LYRM4: variants seen among roughly 807,000 people sequenced by gnomAD.
LYRM4 encodes the protein LYR motif containing 4.
LYRM4 carries 9 observed loss-of-function variants against 11.7 expected under a neutral mutation model. The observed-to-expected ratio is 0.77, with a 90% CI of 0.46 to 1.34. The LOEUF is 1.34. Ranked by LOEUF, LYRM4 falls within the 40% of genes most tolerant of loss-of-function variation. The pLI, the probability that LYRM4 is intolerant of heterozygous loss-of-function variation, is 0.00. For missense variants in LYRM4, 133 were observed against 112.5 expected, an observed-to-expected ratio of 1.18 and a Z score of -0.82; for synonymous variants, 42 against 40.4, an observed-to-expected ratio of 1.04 and a Z score of -0.15.
chr6:5,129,425 C>A (rs1353165620), intron 2 of LYRM4, among the ~76,000 whole-genome samples: 3 of 152,148 alleles, frequency 2.0e-5, no homozygotes, highest in African/African-American at 7.2e-5. Context: ...GTTTCCTTGT[C>A]TTTTCCAGCT....
At chr6:5,147,797 CT>C (rs34378428) in intron 2 of LYRM4, among the ~76,000 whole-genome samples, 91,179 of 151,638 alleles carry the variant, frequency 0.6, 28,506 homozygotes, top group East Asian at 0.92. Flanking sequence ...TTAGGCCCTT[CT>C]GTCTCATCGC....
intron 2 of LYRM4, among the ~76,000 whole-genome samples, chr6:5,172,010 A>G (rs570945555): frequency 4.6e-5 from 7 of 152,236 alleles, no homozygotes; most frequent in Non-Finnish European, 1.5e-5. Context: ...CATGGACAGG[A>G]CTGCAGTCTT....
the LYRM4 span, among the ~76,000 whole-genome samples, chr6:5,046,164 T>G: frequency 1.3e-5 from 2 of 151,888 alleles, no homozygotes; most frequent in Admixed American, 1.3e-4. Context: ...TTTTTTTTTT[T>G]GAGATGGAGT....
chr6:5,247,051 G>T (rs1031127603), intron 1 of LYRM4, among the ~76,000 whole-genome samples: 2 of 152,180 alleles, frequency 1.3e-5, no homozygotes, highest in African/African-American at 4.8e-5. Flanking sequence ...CGGGTGCTGA[G>T]ACTGATGGTC....
rs112611928 is a variant in LYRM4, at chr6:5,142,025, G to C, written c.208-32534C>G. The stretch of plus-strand genomic sequence containing the variant: ...CTGCCCTGTTTCTGTGCATGTGTCG[G>C]GGGGGATGCGGGTACAGGTGATAAG... On this transcript the variant is annotated intron_variant, in intron 2 of 2. Transcript: ENST00000330636. 3.8e-3 allele frequency among the ~76,000 whole-genome samples: 571 copies of C among 152,208 alleles called. 3 individuals are homozygous for C. Among genetic ancestry groups the C allele is most frequent in the African/African-American group, 0.013 (528 of 41,502 alleles).
intron 2 of LYRM4, among the ~76,000 whole-genome samples, chr6:5,165,481 T>C (rs1245946738): frequency 6.6e-6 from 1 of 152,240 alleles, no homozygotes; most frequent in Non-Finnish European, 1.5e-5. Flanking sequence ...CATTTTTAGA[T>C]ATGACATAAC....
the LYRM4 span, among the ~76,000 whole-genome samples, chr6:5,093,401 C>T: frequency 6.6e-6 from 1 of 152,260 alleles, no homozygotes; most frequent in Admixed American, 6.5e-5. Flanking sequence ...GATGGAACGC[C>T]TGCCTTGGGG....
intron 1 of LYRM4, 25 bp downstream of exon 1, chr6:5,260,623 C>A (rs1413834897): frequency 8.5e-6 from 13 of 1,520,592 alleles, no homozygotes; most frequent in Non-Finnish European, 1.1e-5. Context: ...CCCCCGCCCC[C>A]GGCCCCCGGT....
intron 2 of LYRM4, among the ~76,000 whole-genome samples, chr6:5,208,674 A>G (rs1761833655): frequency 6.6e-6 from 1 of 152,236 alleles, no homozygotes; most frequent in Non-Finnish European, 1.5e-5. Flanking sequence ...AATGAGAGAC[A>G]TTCCTTCCAC....
chr6:5,144,581 C>T (rs1355422566), intron 2 of LYRM4, among the ~76,000 whole-genome samples: 3 of 138,176 alleles, frequency 2.2e-5, no homozygotes, highest in South Asian at 4.5e-4. Flanking sequence ...GCCGAGATCA[C>T]GCCACTGCAC....
chr6:5,078,440 T>A, the LYRM4 span, among the ~76,000 whole-genome samples: 2 of 152,136 alleles, frequency 1.3e-5, no homozygotes, highest in African/African-American at 4.8e-5. Context: ...ATCATCATCC[T>A]CATCCCATAG....
At chr6:5,186,982 T>C (rs952140998) in intron 2 of LYRM4, 25 of 762,828 alleles carry the variant, frequency 3.3e-5, no homozygotes, top group Non-Finnish European at 3.7e-5. Flanking sequence ...AGAGTCCATC[T>C]TAAAAAAAAA....
chr6:5,194,483 T>C (rs1332528242), intron 2 of LYRM4, among the ~76,000 whole-genome samples: 1 of 152,170 alleles, frequency 6.6e-6, no homozygotes, highest in African/African-American at 2.4e-5. Context: ...CAACCAGAAC[T>C]GGGCATACCT....
At chr6:5,213,541 G>A (rs918898328) in intron 2 of LYRM4, among the ~76,000 whole-genome samples, 2 of 152,188 alleles carry the variant, frequency 1.3e-5, no homozygotes, top group Non-Finnish European at 2.9e-5. Flanking sequence ...GTGCACCTGG[G>A]TGGGTGGGGC....
At chr6:5,057,071 G>A in the LYRM4 span, among the ~76,000 whole-genome samples, 63 of 152,194 alleles carry the variant, frequency 4.1e-4, no homozygotes, top group East Asian at 0.012. Context: ...TAAGTGATAC[G>A]GGTAGGGCTT....
downstream of LYRM4, chr6:5,107,438 G>A (rs780797869): frequency 6.6e-6 from 1 of 152,226 alleles, no homozygotes; most frequent in Non-Finnish European, 1.5e-5. Flanking sequence ...TTAGTAGCGT[G>A]GTTGGATGCA....
downstream of LYRM4, among the ~76,000 whole-genome samples, chr6:5,100,504 A>G (rs1318863885): frequency 6.8e-6 from 1 of 147,508 alleles, no homozygotes; most frequent in Non-Finnish European, 1.5e-5. Context: ...AGCAGCTCTC[A>G]CTCCTAGTTC....
chr6:5,145,879 G>GCATTC (rs1333003464), intron 2 of LYRM4, among the ~76,000 whole-genome samples: 6 of 152,058 alleles, frequency 3.9e-5, no homozygotes, highest in Non-Finnish European at 5.9e-5. Context: ...TAGAGTTCCT[G>GCATTC]CATTCCATTC....
At chr6:5,086,317 G>C in the LYRM4 span, 3 of 1,535,750 alleles carry the variant, frequency 2.0e-6, no homozygotes, top group Non-Finnish European at 2.6e-6. Flanking sequence ...ACAGCAGCCA[G>C]AGGCACCGTC....
Sources: allele counts gnomAD v4.1 joint callset (sites outside exome capture counted in the v4.1 genomes callset), GRCh38; gene constraint gnomAD v4.1.1; transcripts MANE v1.5; gene names NCBI Gene and HGNC (gene_info 2026-07-23, HGNC 2026-07-21).